Variants in CNOT9 observed in about 807,000 individuals in gnomAD.
The protein encoded by CNOT9 is CCR4-NOT transcription complex subunit 9, also known as RCD1 required for cell differentiation1 homolog.
A neutral mutation model predicts 37.4 loss-of-function variants in CNOT9; 8 were observed. The ratio of observed to expected loss-of-function variants is 0.21; its 90% confidence interval spans 0.13 to 0.39. The LOEUF is 0.39. Among genes scored for constraint, CNOT9 ranks in the 10% least tolerant of loss-of-function variants. CNOT9 has a pLI of 1.00. For missense variants in CNOT9, 154 were observed against 365.3 expected, an observed-to-expected ratio of 0.42 and a Z score of 4.71; for synonymous variants, 120 against 137.6, an observed-to-expected ratio of 0.87 and a Z score of 0.90.
chr2:218,593,524 T>A (rs1694847657), intron 7 of CNOT9: 1 of 1,491,076 alleles, frequency 6.7e-7, no homozygotes, highest in East Asian at 2.5e-5. Context: ...TTTACCTTTT[T>A]TAGGTTTTCA....
At chr2:218,576,017 T>A (rs951765145) in intron 1 of CNOT9, among the ~76,000 whole-genome samples, 1 of 152,202 alleles carries the variant, frequency 6.6e-6, no homozygotes, top group Admixed American at 6.5e-5. Flanking sequence ...TCATCGATTG[T>A]TAAATGAGGT....
At position 218,584,654 on chromosome 2, in the gene CNOT9, C is replaced by T. The variant is rs762561246; in HGVS notation, c.363C>T (p.Pro121=). 1 of 1,614,062 alleles carries T rather than the reference C, an allele frequency of 6.2e-7. No individual in the cohort carries two copies. Among genetic ancestry groups the T allele is most frequent in the Non-Finnish European group, 8.5e-7 (1 of 1,179,962 alleles). The part of the protein sequence containing the change: ...LAAHIPLFLY[P]FLHTVSKTRP... ...CACACATCCCACTTTTTTTGTACCC[C>T]TTTTTGCACACTGTCAGCAAAACAC... The change falls in exon 4 of 8, where the codon CCC becomes CCT. Residue 121 remains proline, a synonymous_variant. Transcript: ENST00000273064.
intron 1 of CNOT9, among the ~76,000 whole-genome samples, chr2:218,569,832 C>T (rs1169519193): frequency 2.0e-5 from 3 of 152,188 alleles, no homozygotes; most frequent in African/African-American, 7.2e-5. Context: ...CTTGAACTCT[C>T]CTTCCTCTCC....
intron 1 of CNOT9, among the ~76,000 whole-genome samples, chr2:218,575,288 C>A (rs1025311184): frequency 6.6e-6 from 1 of 151,778 alleles, no homozygotes; most frequent in Admixed American, 6.6e-5. Flanking sequence ...TGCAGGAACT[C>A]TGTGAACTCC....
intron 5 of CNOT9, among the ~76,000 whole-genome samples, chr2:218,589,734 C>G (rs575191273): frequency 6.6e-6 from 1 of 152,198 alleles, no homozygotes; most frequent in African/African-American, 2.4e-5. Context: ...CCTTGAACTC[C>G]GGGGCTCAAG....
intron 5 of CNOT9, 81 bp downstream of exon 5, chr2:218,587,776 C>G: frequency 1.7e-6 from 1 of 603,182 alleles, no homozygotes; most frequent in Non-Finnish European, 2.6e-6. Flanking sequence ...TTTCTCTCTT[C>G]AAGCTTTTGA....
At chr2:218,588,512 C>A (rs7573919) in intron 5 of CNOT9, among the ~76,000 whole-genome samples, 2,149 of 148,258 alleles carry the variant, frequency 0.014, 46 homozygotes, top group African/African-American at 0.05. Flanking sequence ...TGGTGTTGAA[C>A]CCCTGACCTC....
intron 1 of CNOT9, chr2:218,572,792 C>A: frequency 4.9e-6 from 3 of 616,954 alleles, no homozygotes; most frequent in Non-Finnish European, 6.1e-6. Context: ...CATCCCTAAA[C>A]ACTTGTCTTT....
intron 5 of CNOT9, among the ~76,000 whole-genome samples, chr2:218,588,787 C>G (rs1694683386): frequency 6.6e-6 from 1 of 150,536 alleles, no homozygotes. Context: ...GTTGGACAGG[C>G]TGGTCTTGAA....
At chr2:218,576,566 A>G (rs1694176882) in intron 1 of CNOT9, among the ~76,000 whole-genome samples, 3 of 152,222 alleles carry the variant, frequency 2.0e-5, no homozygotes, top group Non-Finnish European at 4.4e-5. Context: ...CATAGTACTG[A>G]GTGTTCTTTC....
chr2:218,585,214 CACT>C (rs904109901), intron 4 of CNOT9, among the ~76,000 whole-genome samples: 9 of 137,130 alleles, frequency 6.6e-5, no homozygotes, highest in South Asian at 5.2e-4. Flanking sequence ...AGGCACACAC[CACT>C]GTCTTTTTTT....
chr2:218,590,527 T>C (rs1284579883), intron 5 of CNOT9, among the ~76,000 whole-genome samples: 1 of 152,190 alleles, frequency 6.6e-6, no homozygotes, highest in Non-Finnish European at 1.5e-5. Context: ...CTTAAAACAA[T>C]GGAAGTTTAC....
At chr2:218,591,022 A>G (rs1694756095) in intron 5 of CNOT9, among the ~76,000 whole-genome samples, 1 of 152,092 alleles carries the variant, frequency 6.6e-6, no homozygotes, top group Non-Finnish European at 1.5e-5. Context: ...ACACTTCGTT[A>G]TTACATTTAA....
At chr2:218,576,354 A>G (rs1321233293) in intron 1 of CNOT9, among the ~76,000 whole-genome samples, 1 of 152,194 alleles carries the variant, frequency 6.6e-6, no homozygotes. Context: ...AAATTCCTAT[A>G]TGTGTGTTAC....
chr2:218,575,444 G>A (rs1420001418), intron 1 of CNOT9, among the ~76,000 whole-genome samples: 2 of 142,312 alleles, frequency 1.4e-5, no homozygotes, highest in Non-Finnish European at 1.5e-5. Context: ...GGAGTACAGT[G>A]GCTCAGGCTG....
At chr2:218,593,893 A>G in intron 7 of CNOT9, 1 of 1,047,274 alleles carries the variant, frequency 9.5e-7, no homozygotes, top group East Asian at 2.8e-5. Flanking sequence ...GAAATTCTAC[A>G]TTGGGGCATC....
At chr2:218,574,220 T>G (rs1694093349) in intron 1 of CNOT9, 1 of 251,724 alleles carries the variant, frequency 4.0e-6, no homozygotes, top group Non-Finnish European at 8.1e-6. Context: ...CCTCCCAAAG[T>G]GCTGGGATTA....
Position 218,569,056 on chromosome 2 carries a change from G to C in CNOT9, c.24+78G>C, listed in dbSNP as rs1185682856. Reference sequence around the variant, plus strand: ...TTTCGGCCTTCTCTCCTAATTCCCGGTGTCGGGTCCCTAGTCTGATTTTTT... The same window carrying C: ...TTTCGGCCTTCTCTCCTAATTCCCGCTGTCGGGTCCCTAGTCTGATTTTTT... On this transcript the variant is annotated intron_variant, in intron 1 of 7. Coordinates refer to ENST00000273064, the MANE Select transcript of CNOT9 (RefSeq NM_005444.3). 5 of 1,512,990 alleles carry C rather than the reference G, an allele frequency of 3.3e-6. No individual in the cohort carries two copies. In the East Asian group the frequency reaches 1.2e-4, roughly 35 times the overall value. 93.7% of individuals were successfully genotyped at this position (1,512,990 alleles called of 1,614,324 possible).
chr2:218,579,468 TGA>T (rs1468087019), intron 1 of CNOT9, among the ~76,000 whole-genome samples: 1 of 152,134 alleles, frequency 6.6e-6, no homozygotes, highest in African/African-American at 2.4e-5. Context: ...AGTCTCTTAG[TGA>T]GAGATACTTG....
Sources: gnomAD v4.1 joint callset for allele counts (sites outside exome capture counted in the v4.1 genomes callset) on GRCh38, gnomAD v4.1.1 for gene constraint, MANE v1.5 for transcripts, NCBI Gene and HGNC (gene_info 2026-07-23, HGNC 2026-07-21) for gene names.